Variants in ERC2 observed in about 807,000 individuals in gnomAD.
The protein encoded by ERC2 is ELKS/RAB6-interacting/CAST family member 2, also known as ERC protein 2.
ERC2 carries 42 observed loss-of-function variants against 114.8 expected under a neutral mutation model. The ratio of observed to expected loss-of-function variants is 0.37; its 90% confidence interval spans 0.29 to 0.47. The LOEUF is 0.47. Among genes scored for constraint, ERC2 ranks in the 20% least tolerant of loss-of-function variants. The pLI, the probability that ERC2 is intolerant of heterozygous loss-of-function variation, is 0.99. For missense variants in ERC2, 939 were observed against 1,150.7 expected (o/e 0.82, Z 2.66); for synonymous variants, 454 against 425.5 (o/e 1.07, Z -0.82).
chr3:56,238,807 T>C lies in ERC2; in HGVS notation c.1074+57212A>G, dbSNP rs1349922913. Among the ~76,000 whole-genome samples, 3 of 152,192 alleles carry C rather than the reference T, an allele frequency of 2.0e-5. 1 individual carries two copies. The highest frequency in any genetic ancestry group is 1.5e-5 in the Non-Finnish European group (1 of 68,036). On this transcript the variant is annotated intron_variant, in intron 3 of 17. Transcript: ENST00000288221. ...GGACCTGCTCTACAAAATCATTATA[T>C]TTTCATTTAAGTACCTTAAGATAAA...
intron 3 of ERC2, among the ~76,000 whole-genome samples, chr3:56,285,495 C>A (rs976055991): frequency 3.9e-5 from 6 of 152,108 alleles, no homozygotes; most frequent in Admixed American, 6.5e-5. Flanking sequence ...CTGGGCTACA[C>A]CAAGCCAGCA....
intron 12 of ERC2, among the ~76,000 whole-genome samples, chr3:55,977,946 G>T (rs1044478119): frequency 6.6e-5 from 10 of 152,160 alleles, no homozygotes; most frequent in African/African-American, 2.4e-4. Context: ...AAGCCAAGGT[G>T]TAGAACAGTG....
intron 4 of ERC2, among the ~76,000 whole-genome samples, chr3:56,167,653 G>A (rs939245673): frequency 2.0e-5 from 3 of 152,116 alleles, no homozygotes; most frequent in African/African-American, 4.8e-5. Flanking sequence ...TGAGAAGATA[G>A]AGAAATTTCC....
At chr3:55,878,403 C>T (rs1308535860) in intron 14 of ERC2, among the ~76,000 whole-genome samples, 1 of 152,130 alleles carries the variant, frequency 6.6e-6, no homozygotes, top group African/African-American at 2.4e-5. Flanking sequence ...CCCCCTTCCT[C>T]CCACCATCTC....
chr3:55,819,866 T>A (rs1032563597), intron 14 of ERC2, among the ~76,000 whole-genome samples: 19 of 152,204 alleles, frequency 1.2e-4, no homozygotes, highest in Non-Finnish European at 2.6e-4. Flanking sequence ...CAGCCTGGGC[T>A]TCCTCTCCTT....
intron 7 of ERC2, among the ~76,000 whole-genome samples, chr3:56,020,237 C>T (rs1025425527): frequency 3.3e-5 from 5 of 152,090 alleles, no homozygotes; most frequent in African/African-American, 9.7e-5. Flanking sequence ...AATGGAAACC[C>T]GTAAACTTTG....
chr3:56,139,762 C>T (rs1575563856), intron 5 of ERC2, 86 bp from the exon 6 acceptor site: 1 of 1,394,234 alleles, frequency 7.2e-7, no homozygotes, highest in East Asian at 2.5e-5. Context: ...CTCTCCATTT[C>T]AGCAGCCAGT....
rs1339182752 is a variant in ERC2, at chr3:56,338,238, T to G, written c.658-41803A>C. On this transcript the variant is annotated intron_variant, in intron 2 of 17. Coordinates refer to ENST00000288221, the MANE Select transcript of ERC2 (RefSeq NM_015576.3). The stretch of plus-strand genomic sequence containing the variant: ...CCTTACTTCGTGATGGTTACATGTG[T>G]ATTGTATTGATTCATTATGCTGTAC... 4.6e-5 allele frequency among the ~76,000 whole-genome samples: 7 copies of G among 152,346 alleles called. No individual in the cohort carries two copies. The East Asian group carries it at 1.4e-3, about 29-fold the overall frequency.
chr3:56,122,669 G>A (rs936889719), intron 6 of ERC2, among the ~76,000 whole-genome samples: 5 of 152,164 alleles, frequency 3.3e-5, no homozygotes, highest in Non-Finnish European at 7.4e-5. Flanking sequence ...CAGGTACCCA[G>A]AAAACTGTAG....
chr3:56,252,289 C>A (rs1294075529), intron 3 of ERC2, among the ~76,000 whole-genome samples: 1 of 152,056 alleles, frequency 6.6e-6, no homozygotes, highest in Non-Finnish European at 1.5e-5. Context: ...CATCTCTATA[C>A]GTTTTATTGT....
chr3:55,523,360 A>G (rs2053090844), intron 17 of ERC2, among the ~76,000 whole-genome samples: 1 of 152,228 alleles, frequency 6.6e-6, no homozygotes, highest in South Asian at 2.1e-4. Context: ...AGAGATTCCT[A>G]CTGCTGGAGG....
At chr3:56,421,539 C>T (rs548212709) in intron 2 of ERC2, among the ~76,000 whole-genome samples, 2 of 152,352 alleles carry the variant, frequency 1.3e-5, no homozygotes, top group South Asian at 4.1e-4. Context: ...CAGCGCAACT[C>T]TAGGCTGTCC....
At chr3:56,217,359 G>A (rs2049559879) in intron 3 of ERC2, among the ~76,000 whole-genome samples, 1 of 152,106 alleles carries the variant, frequency 6.6e-6, no homozygotes, top group Admixed American at 6.6e-5. Context: ...GACAAACAGA[G>A]AGCCAAATCA....
intron 12 of ERC2, among the ~76,000 whole-genome samples, chr3:55,962,144 A>G (rs1457843817): frequency 1.3e-5 from 2 of 152,230 alleles, no homozygotes; most frequent in East Asian, 3.9e-4. Context: ...AAAAAAGAAA[A>G]AAAAGCCTGG....
At chr3:56,125,020 T>C (rs1220462600) in intron 6 of ERC2, among the ~76,000 whole-genome samples, 1 of 152,238 alleles carries the variant, frequency 6.6e-6, no homozygotes. Context: ...CATGTGGTTT[T>C]ACTTTGAAAT....
At chr3:55,710,694 T>A (rs2063735476) in intron 15 of ERC2, among the ~76,000 whole-genome samples, 1 of 152,220 alleles carries the variant, frequency 6.6e-6, no homozygotes, top group South Asian at 2.1e-4. Flanking sequence ...AACTGATGTT[T>A]CTTGATAGTA....
At chr3:55,633,815 T>C (rs1297492634) in intron 17 of ERC2, among the ~76,000 whole-genome samples, 1 of 152,200 alleles carries the variant, frequency 6.6e-6, no homozygotes, top group East Asian at 1.9e-4. Flanking sequence ...AATGATTTCA[T>C]CCTTCATTCT....
intron 6 of ERC2, among the ~76,000 whole-genome samples, chr3:56,115,307 C>T (rs998874684): frequency 6.6e-6 from 1 of 152,134 alleles, no homozygotes; most frequent in South Asian, 2.1e-4. Context: ...GATAGCAGTT[C>T]CATTACATAG....
At chr3:55,645,248 T>C (rs1347961594) in intron 17 of ERC2, among the ~76,000 whole-genome samples, 1 of 152,234 alleles carries the variant, frequency 6.6e-6, no homozygotes, top group Non-Finnish European at 1.5e-5. Context: ...GTTGATTTAT[T>C]TGGCCCATGT....
Sources: gnomAD v4.1 joint callset for allele counts (sites outside exome capture counted in the v4.1 genomes callset) on GRCh38, gnomAD v4.1.1 for gene constraint, MANE v1.5 for transcripts, NCBI Gene and HGNC (gene_info 2026-07-23, HGNC 2026-07-21) for gene names.